USP37: variants seen among roughly 807,000 people sequenced by gnomAD.
USP37 encodes ubiquitin specific peptidase 37.
Under a neutral mutation model 124.0 loss-of-function variants are expected in USP37, and 27 were observed. The observed-to-expected ratio is 0.22, with a 90% CI of 0.16 to 0.30. The LOEUF is 0.30. Among genes scored for constraint, USP37 ranks in the 10% least tolerant of loss-of-function variants. USP37 has a pLI of 1.00. For synonymous variants in USP37, 365 were observed against 388.0 expected (o/e 0.94, Z 0.70); for missense variants, 889 against 1,140.4 (o/e 0.78, Z 3.17).
chr2:218,534,919 T>C (rs1164249929), intron 8 of USP37, among the ~76,000 whole-genome samples: 1 of 152,138 alleles, frequency 6.6e-6, no homozygotes, highest in Non-Finnish European at 1.5e-5. Flanking sequence ...CAAGAGCCAA[T>C]CCAATCCATG....
intron 8 of USP37, among the ~76,000 whole-genome samples, chr2:218,539,859 A>T (rs1691878141): frequency 6.6e-6 from 1 of 151,650 alleles, no homozygotes; most frequent in African/African-American, 2.4e-5. Flanking sequence ...AAAATACAAA[A>T]ATTAGCCGGG....
chr2:218,483,361 C>T (rs1048090228), intron 16 of USP37, among the ~76,000 whole-genome samples: 8 of 152,054 alleles, frequency 5.3e-5, no homozygotes, highest in African/African-American at 1.4e-4. Flanking sequence ...AAAGATGAGG[C>T]CCAACTTTGT....
chr2:218,542,370 A>G (rs978100400), intron 8 of USP37, among the ~76,000 whole-genome samples: 1 of 152,240 alleles, frequency 6.6e-6, no homozygotes, highest in South Asian at 2.1e-4. Context: ...GGGACTTCCC[A>G]AAAGTGTAGT....
At chr2:218,482,002 T>C (rs2105974957) in intron 17 of USP37, 68 bp downstream of exon 17, 2 of 1,475,918 alleles carry the variant, frequency 1.4e-6, no homozygotes, top group East Asian at 4.6e-5. Flanking sequence ...CAGTCATTCT[T>C]TTGATTAGAT....
At chr2:218,518,852 T>G (rs377623222) in intron 10 of USP37, among the ~76,000 whole-genome samples, 1 of 152,206 alleles carries the variant, frequency 6.6e-6, no homozygotes, top group Admixed American at 6.5e-5. Context: ...AGTGTGATGA[T>G]GCTGCATTTC....
chr2:218,566,723 G>A (rs1180725096), intron 1 of USP37, among the ~76,000 whole-genome samples: 2 of 152,166 alleles, frequency 1.3e-5, no homozygotes, highest in East Asian at 3.8e-4. Flanking sequence ...AATACAGGAA[G>A]CCAAGGCAAT....
At chr2:218,510,243 GA>G (rs1689900720) in intron 10 of USP37, 103 bp from the exon 11 acceptor site, 1 of 1,234,954 alleles carries the variant, frequency 8.1e-7, no homozygotes, top group Non-Finnish European at 1.1e-6. Flanking sequence ...AAAAAATCTT[GA>G]ATTTAGGGAA....
chr2:218,512,568 A>G (rs1690060304), intron 10 of USP37, among the ~76,000 whole-genome samples: 3 of 152,148 alleles, frequency 2.0e-5, no homozygotes. Flanking sequence ...CTCACATGGG[A>G]AAAGTGTATA....
chr2:218,456,990 A>G, intron 24 of USP37, 102 bp downstream of exon 24: 2 of 1,227,182 alleles, frequency 1.6e-6, no homozygotes, highest in Non-Finnish European at 1.1e-6. Flanking sequence ...AGAAAAAGAA[A>G]AAGAAAAACA....
At chr2:218,531,943 C>A (rs1201372267) in intron 9 of USP37, among the ~76,000 whole-genome samples, 1 of 152,140 alleles carries the variant, frequency 6.6e-6, no homozygotes, top group Non-Finnish European at 1.5e-5. Context: ...AAAGAAGTCT[C>A]CTGAGATGAA....
intron 1 of USP37, among the ~76,000 whole-genome samples, chr2:218,567,298 C>T (rs1181785543): frequency 6.6e-6 from 1 of 152,168 alleles, no homozygotes. Flanking sequence ...ACGCATCCTC[C>T]TCTATTGGTT....
At chr2:218,468,946 G>A (rs1690522154) in intron 20 of USP37, among the ~76,000 whole-genome samples, 1 of 152,136 alleles carries the variant, frequency 6.6e-6, no homozygotes, top group Non-Finnish European at 1.5e-5. Flanking sequence ...ACCTGCCTTG[G>A]CCTCCCAAAG....
At chr2:218,558,065 A>C (rs946700434) in intron 4 of USP37, among the ~76,000 whole-genome samples, 3 of 152,050 alleles carry the variant, frequency 2.0e-5, no homozygotes, top group African/African-American at 7.2e-5. Context: ...GATTCACACC[A>C]TGACATTTGG....
chr2:218,526,383 C>T (rs1690964448), intron 10 of USP37, among the ~76,000 whole-genome samples: 1 of 152,070 alleles, frequency 6.6e-6, no homozygotes, highest in African/African-American at 2.4e-5. Flanking sequence ...TAGGCACCTG[C>T]CACCACGCCC....
Position 218,495,905 on chromosome 2 carries a change from C to G in USP37, c.1327G>C (p.Asp443His). Residue 443 changes from aspartate to histidine, a missense_variant, in exon 14 of 26, where the codon GAT becomes CAT. Coordinates refer to ENST00000258399, the MANE Select transcript of USP37 (RefSeq NM_020935.3). ...CAAGTTTTATTTAATTTTTCCATAT[C>G]TTCTTTCAGCTGGTCCAAACACTGA... The part of the protein sequence containing the change: ...LSQCLDQLKE[D>H]MEKLNKTWKT... 1 of 1,613,382 alleles carries G rather than the reference C, an allele frequency of 6.2e-7. No homozygotes were observed. Among genetic ancestry groups the G allele is most frequent in the Non-Finnish European group, 8.5e-7 (1 of 1,179,916 alleles).
chr2:218,556,994 C>T (rs1693023291), intron 4 of USP37, among the ~76,000 whole-genome samples: 1 of 152,046 alleles, frequency 6.6e-6, no homozygotes, highest in African/African-American at 2.4e-5. Context: ...TTATAAGTAG[C>T]TGGGACTACA....
intron 8 of USP37, among the ~76,000 whole-genome samples, chr2:218,539,779 A>C (rs997424896): frequency 6.6e-6 from 1 of 151,796 alleles, no homozygotes; most frequent in Non-Finnish European, 1.5e-5. Context: ...TGGGAGGCCG[A>C]GGTAGGCGGA....
At chr2:218,546,161 T>C (rs1692308596) in intron 8 of USP37, 60 bp downstream of exon 8, 2 of 1,375,142 alleles carry the variant, frequency 1.5e-6, no homozygotes, top group Admixed American at 2.1e-5. Flanking sequence ...CCCCAGTGGT[T>C]ACAAATACCA....
chr2:218,508,144 A>G (rs1689776510), intron 11 of USP37, among the ~76,000 whole-genome samples: 1 of 152,198 alleles, frequency 6.6e-6, no homozygotes. Flanking sequence ...ATGCTGAAGC[A>G]TAGATTATGT....
Sources: gnomAD v4.1 joint callset for allele counts (sites outside exome capture counted in the v4.1 genomes callset) on GRCh38, gnomAD v4.1.1 for gene constraint, MANE v1.5 for transcripts, NCBI Gene and HGNC (gene_info 2026-07-23, HGNC 2026-07-21) for gene names.